Variants in CRYL1 observed in about 807,000 individuals in gnomAD.
CRYL1 encodes the protein lambda-crystallin homolog.
CRYL1 carries 29 observed loss-of-function variants against 36.6 expected under a neutral mutation model. That is an observed-to-expected ratio of 0.79 (90% confidence interval 0.59 to 1.08). The LOEUF (loss-of-function observed/expected upper bound fraction) is 1.08. Ranked by LOEUF, CRYL1 falls within the 50% of genes least tolerant of loss-of-function variation. CRYL1 has a pLI of 0.00. For synonymous variants in CRYL1, 152 were observed against 151.5 expected (o/e 1.00, Z -0.02); for missense variants, 411 against 407.9 (o/e 1.01, Z -0.06).
chr13:20,467,596 C>T (rs963721039), intron 3 of CRYL1, among the ~76,000 whole-genome samples: 4 of 152,120 alleles, frequency 2.6e-5, no homozygotes, highest in Non-Finnish European at 2.9e-5. Flanking sequence ...CCGAGGCAGG[C>T]GGATCGCCTG....
intron 3 of CRYL1, among the ~76,000 whole-genome samples, chr13:20,472,580 C>T (rs1282563896): frequency 1.3e-5 from 2 of 152,188 alleles, no homozygotes; most frequent in Non-Finnish European, 2.9e-5. Flanking sequence ...TGGCTGTGCC[C>T]TCCTAACGTA....
intron 5 of CRYL1, among the ~76,000 whole-genome samples, chr13:20,424,169 A>G (rs2137379387): frequency 6.6e-6 from 1 of 152,268 alleles, no homozygotes; most frequent in South Asian, 2.1e-4. Context: ...CTGGCAGAAG[A>G]TCATTCTTAC....
rs912348589 is a variant in CRYL1, at chr13:20,525,804, G to T, written c.-10C>A. On this transcript the variant is annotated 5_prime_UTR_variant, in exon 1 of 8. Coordinates refer to ENST00000298248, the MANE Select transcript of CRYL1 (RefSeq NM_015974.3). This position sits in a 1 kb window ranked among gnomAD's most constrained non-coding sequence, Gnocchi z 4.3. ...CCGCGGAGGACGCCATGGTTGGGCC[G>T]GGGACGCGGCGCCGCGGGCGCTGGG... The T allele has an allele frequency of 4.8e-6, 6 of 1,241,430 alleles. No individual in the cohort carries two copies. The highest frequency in any genetic ancestry group is 1.0e-6 in the Non-Finnish European group (1 of 991,954). The allele number at this position is 1,241,430 out of a possible 1,614,324, so 76.9% of individuals were successfully genotyped here.
chr13:20,448,082 G>A (rs1293600019), intron 3 of CRYL1, among the ~76,000 whole-genome samples: 1 of 152,150 alleles, frequency 6.6e-6, no homozygotes, highest in African/African-American at 2.4e-5. Flanking sequence ...TAGACAACAT[G>A]CAACATCGTA....
chr13:20,477,440 G>T (rs1438480423), intron 3 of CRYL1, among the ~76,000 whole-genome samples: 1 of 151,000 alleles, frequency 6.6e-6, no homozygotes, highest in East Asian at 1.9e-4. Flanking sequence ...TATTCCTGAG[G>T]TGTGCAGGCA....
chr13:20,427,835 A>T (rs531369119), intron 5 of CRYL1, among the ~76,000 whole-genome samples: 3 of 152,272 alleles, frequency 2.0e-5, no homozygotes, highest in African/African-American at 7.2e-5. Flanking sequence ...GAAACCAGGG[A>T]TATCACTACA....
At chr13:20,504,360 G>T (rs993072584) in intron 2 of CRYL1, among the ~76,000 whole-genome samples, 1 of 142,854 alleles carries the variant, frequency 7.0e-6, no homozygotes, top group African/African-American at 2.7e-5. Flanking sequence ...CTGGAGTGCA[G>T]TGGTGCAATC....
intron 2 of CRYL1, among the ~76,000 whole-genome samples, chr13:20,505,382 A>T (rs1343326270): frequency 6.9e-6 from 1 of 144,712 alleles, no homozygotes; most frequent in African/African-American, 2.7e-5. Flanking sequence ...AAAAAAAAAA[A>T]TCAGAATATG....
chr13:20,444,228 C>G (rs1250708021), intron 3 of CRYL1, among the ~76,000 whole-genome samples: 1 of 152,130 alleles, frequency 6.6e-6, no homozygotes, highest in Non-Finnish European at 1.5e-5. Flanking sequence ...CTGCACTATG[C>G]TCTAACCAGG....
At position 20,404,090 on chromosome 13, in the gene CRYL1, G is replaced by A. The variant is rs1386211972; in HGVS notation, c.*39C>T. The A allele has an allele frequency of 5.1e-6, 7 of 1,384,294 alleles. No homozygotes were observed. Among genetic ancestry groups the A allele is most frequent in the Non-Finnish European group, 5.1e-6 (5 of 971,162 alleles). The allele number at this position is 1,384,294 out of a possible 1,614,324, so 85.8% of individuals were successfully genotyped here. Reference sequence around the variant, plus strand: ...AGGGCTTGCAGTGTTCCCAAATAGGGCCTCCAATGAGAGGAGTGGAAGCTG... The same window carrying A: ...AGGGCTTGCAGTGTTCCCAAATAGGACCTCCAATGAGAGGAGTGGAAGCTG... On this transcript the variant is annotated 3_prime_UTR_variant, in exon 8 of 8. Coordinates refer to ENST00000298248, the MANE Select transcript of CRYL1 (RefSeq NM_015974.3).
chr13:20,510,824 G>C (rs1259633906), intron 2 of CRYL1, among the ~76,000 whole-genome samples: 3 of 151,766 alleles, frequency 2.0e-5, no homozygotes, highest in Non-Finnish European at 4.4e-5. Flanking sequence ...TGTTGCTTAG[G>C]GTGGTCTCCA....
intron 5 of CRYL1, among the ~76,000 whole-genome samples, chr13:20,426,077 G>A (rs537821070): frequency 1.2e-4 from 18 of 152,044 alleles, no homozygotes; most frequent in African/African-American, 4.1e-4. Context: ...GGCTGGAGGC[G>A]GGTGGCTGAG....
At chr13:20,430,712 G>GT in intron 5 of CRYL1, 1 of 985,388 alleles carries the variant, frequency 1.0e-6, no homozygotes, top group Non-Finnish European at 1.2e-6. Flanking sequence ...GAAAGCAAGA[G>GT]TTTACTCAGG....
chr13:20,450,909 T>C (rs1265832530), intron 3 of CRYL1, among the ~76,000 whole-genome samples: 1 of 151,904 alleles, frequency 6.6e-6, no homozygotes, highest in Non-Finnish European at 1.5e-5. Flanking sequence ...ATGTCCTTTG[T>C]AGGGACATGG....
chr13:20,410,937 T>C (rs968623999), intron 6 of CRYL1, among the ~76,000 whole-genome samples: 2 of 152,218 alleles, frequency 1.3e-5, no homozygotes, highest in Non-Finnish European at 2.9e-5. Flanking sequence ...GGCCCGTCTT[T>C]CAGGGGTGTT....
rs999549359 is a variant in CRYL1, at chr13:20,404,686, A to T, written c.795T>A (p.Thr265=). The part of the protein sequence containing the change: ...YSEGIKHVLQ[T]FGPIPEFSRA... The stretch of plus-strand genomic sequence containing the variant: ...TGGAAAACTCTGGAATGGGTCCAAA[A>T]GTCTGTAGGACATGTTTTATGCCTT... Residue 265 remains threonine (T), a synonymous_variant, in exon 7 of 8, where the codon ACT becomes ACA. Transcript: ENST00000298248. 12 of 1,614,134 alleles carry T rather than the reference A, an allele frequency of 7.4e-6. No homozygotes were observed. Among genetic ancestry groups the T allele is most frequent in the Non-Finnish European group, 9.3e-6 (11 of 1,179,960 alleles).
intron 3 of CRYL1, among the ~76,000 whole-genome samples, chr13:20,461,906 G>A (rs1212066024): frequency 6.8e-6 from 1 of 147,366 alleles, no homozygotes; most frequent in Non-Finnish European, 1.5e-5. Flanking sequence ...AGCATTGTGG[G>A]AGGAGAGGGT....
At position 20,425,706 on chromosome 13, in the gene CRYL1, T is replaced by C. The variant is rs2031917320; in HGVS notation, c.633+6396A>G. ...CAGCAAATTTAAACATTTTAGGCCATCTTCCCCCTAGAACATGTTCATGCC... is the reference window on the plus strand; with the variant it reads ...CAGCAAATTTAAACATTTTAGGCCACCTTCCCCCTAGAACATGTTCATGCC... On this transcript the variant is annotated intron_variant, in intron 5 of 7. Coordinates refer to ENST00000298248, the MANE Select transcript of CRYL1 (RefSeq NM_015974.3). The surrounding 1 kb of genome is among the most constrained non-coding windows in gnomAD (Gnocchi z 4.4). Among the ~76,000 whole-genome samples, 1 of 152,182 alleles carries C rather than the reference T, an allele frequency of 6.6e-6. No homozygotes were observed. The highest frequency in any genetic ancestry group is 1.5e-5 in the Non-Finnish European group (1 of 68,032).
At chr13:20,434,534 A>C (rs968711176) in intron 4 of CRYL1, among the ~76,000 whole-genome samples, 7 of 151,594 alleles carry the variant, frequency 4.6e-5, no homozygotes, top group Non-Finnish European at 4.4e-5. Context: ...GGAACAGGGG[A>C]GGGGCCAATT....
Sources: allele counts gnomAD v4.1 joint callset (sites outside exome capture counted in the v4.1 genomes callset), GRCh38; gene constraint gnomAD v4.1.1; non-coding constraint Gnocchi (gnomAD v3.1); transcripts MANE v1.5; gene names NCBI Gene and HGNC (gene_info 2026-07-23, HGNC 2026-07-21).